SORCS3: variants seen among roughly 807,000 people sequenced by gnomAD.
SORCS3 encodes the protein sortilin related VPS10 domain containing receptor 3.
Under a neutral mutation model 146.3 loss-of-function variants are expected in SORCS3, and 57 were observed. The ratio of observed to expected loss-of-function variants is 0.39; its 90% CI spans 0.31 to 0.49. The LOEUF (loss-of-function observed/expected upper bound fraction) is 0.49. Ranked by LOEUF, SORCS3 falls within the 20% of genes least tolerant of loss-of-function variation. The probability of loss-of-function intolerance (pLI) is 0.92; values close to 1 mark genes in which losing one functional copy is unlikely to be tolerated. For missense variants in SORCS3, 1,341 were observed against 1,575.5 expected (o/e 0.85, Z 2.52); for synonymous variants, 653 against 618.5 (o/e 1.06, Z -0.83).
rs1554848199 is a variant in SORCS3, at chr10:104,742,901, C to CTTA, written c.628-99879_628-99877dup. ...ACTGGCCACAAAGAGACCAGGAGCACTTATTATTATTATTGTTTATTACTT... is the reference window on the plus strand; with the variant it reads ...ACTGGCCACAAAGAGACCAGGAGCACTTATTATTATTATTATTGTTTATTACTT... On this transcript the variant is annotated intron_variant, in intron 1 of 26. Transcript: ENST00000369701. Among the ~76,000 whole-genome samples the CTTA allele has an allele frequency of 1.3e-5, 2 of 152,214 alleles. 1 individual carries two copies. Among genetic ancestry groups the CTTA allele is most frequent in the Admixed American group, 1.3e-4 (2 of 15,290 alleles).
chr10:104,802,581 A>G (rs1056828387), intron 1 of SORCS3, among the ~76,000 whole-genome samples: 5 of 152,240 alleles, frequency 3.3e-5, no homozygotes, highest in Non-Finnish European at 7.3e-5. Flanking sequence ...AAAAACAAAG[A>G]GAGGAAAGAT....
At chr10:105,055,701 A>C (rs557989415) in intron 5 of SORCS3, among the ~76,000 whole-genome samples, 1 of 152,336 alleles carries the variant, frequency 6.6e-6, no homozygotes, top group East Asian at 1.9e-4. Context: ...GCAAGTTAGA[A>C]AGCATCTGCA....
chr10:105,260,104 A>T (rs1197871005), intron 25 of SORCS3, among the ~76,000 whole-genome samples: 1 of 152,262 alleles, frequency 6.6e-6, no homozygotes, highest in African/African-American at 2.4e-5. Context: ...GATTGCAAAA[A>T]GATGAAAAAT....
At position 105,016,157 on chromosome 10, in the gene SORCS3, T is replaced by TA. The variant is rs369013613; in HGVS notation, c.955-26898_955-26897insA. The stretch of plus-strand genomic sequence containing the variant: ...TAAATATATATATATATATATATAT[T>TA]TTTTTTTTTTTTTGAGATGGAGTCT... On this transcript the variant is annotated intron_variant, in intron 4 of 26. Coordinates refer to ENST00000369701, the MANE Select transcript of SORCS3 (RefSeq NM_014978.3). Among the ~76,000 whole-genome samples the TA allele has an allele frequency of 8.1e-3, 466 of 57,828 alleles. 2 individuals carry two copies. The highest frequency in any genetic ancestry group is 0.034 in the East Asian group (98 of 2,846). The allele number at this position is 57,828 out of a possible 152,430, so 37.9% of individuals were successfully genotyped here. A position where few individuals can be genotyped will look rare whatever the true frequency, so the allele number is the denominator to read the frequency against.
intron 9 of SORCS3, among the ~76,000 whole-genome samples, chr10:105,148,007 A>G (rs922588652): frequency 6.6e-6 from 1 of 152,068 alleles, no homozygotes; most frequent in Non-Finnish European, 1.5e-5. Flanking sequence ...ATGAGAGATG[A>G]TGGATATACT....
At position 105,263,383 on chromosome 10, in the gene SORCS3, AGC is replaced by A. The variant is rs761056839; in HGVS notation, c.*10_*11del. ...ACTGCACTAGTGTTTAATACCAGCA[AGC>A]CACGTGGTCAACCACCTTTCTGACT... On this transcript the variant is annotated 3_prime_UTR_variant, in exon 27 of 27. Transcript: ENST00000369701. 2 of 1,613,860 alleles carry A rather than the reference AGC, an allele frequency of 1.2e-6. No homozygotes were observed.
At chr10:104,724,547 C>G (rs1386664398) in intron 1 of SORCS3, among the ~76,000 whole-genome samples, 1 of 152,120 alleles carries the variant, frequency 6.6e-6, no homozygotes, top group African/African-American at 2.4e-5. Flanking sequence ...GGGAAGTTCT[C>G]CTGGATAATA....
chr10:105,200,948 A>G (rs1319340263), intron 15 of SORCS3, among the ~76,000 whole-genome samples, 172 bp from the exon 16 acceptor site: 1 of 152,144 alleles, frequency 6.6e-6, no homozygotes, highest in Non-Finnish European at 1.5e-5. Flanking sequence ...TTTATGTGGT[A>G]GTGAAAGATT....
At chr10:105,152,868 C>T (rs2056177365) in intron 9 of SORCS3, among the ~76,000 whole-genome samples, 2 of 152,124 alleles carry the variant, frequency 1.3e-5, no homozygotes, top group Non-Finnish European at 2.9e-5. Context: ...TCTGATCACA[C>T]AGCTAGTGGT....
At chr10:105,060,212 G>T (rs2055475665) in intron 5 of SORCS3, among the ~76,000 whole-genome samples, 1 of 152,118 alleles carries the variant, frequency 6.6e-6, no homozygotes, top group African/African-American at 2.4e-5. Flanking sequence ...GGATCCTCTG[G>T]CATGGTGGGT....
intron 19 of SORCS3, among the ~76,000 whole-genome samples, chr10:105,217,422 G>A (rs1450159697): frequency 6.6e-6 from 1 of 152,128 alleles, no homozygotes; most frequent in Admixed American, 6.5e-5. Flanking sequence ...TCTTCCTTTT[G>A]GAGAATCCTC....
chr10:104,902,377 A>G (rs2133590931), intron 2 of SORCS3, among the ~76,000 whole-genome samples: 1 of 152,288 alleles, frequency 6.6e-6, no homozygotes, highest in Middle Eastern at 3.4e-3. Flanking sequence ...TGACTCTGAG[A>G]GGTCATGGAC....
At chr10:104,820,891 T>G (rs1199220997) in intron 1 of SORCS3, among the ~76,000 whole-genome samples, 1 of 152,130 alleles carries the variant, frequency 6.6e-6, no homozygotes, top group East Asian at 1.9e-4. Flanking sequence ...ATGATAGGCC[T>G]TGGAGAAGTG....
chr10:105,172,906 TC>T (rs1223349044), intron 13 of SORCS3, among the ~76,000 whole-genome samples: 3 of 152,320 alleles, frequency 2.0e-5, no homozygotes, highest in Admixed American at 6.5e-5. Context: ...CCAGTTTCTT[TC>T]CAGCTTTATA....
At chr10:104,954,122 T>C (rs1485603792) in intron 3 of SORCS3, among the ~76,000 whole-genome samples, 1 of 152,154 alleles carries the variant, frequency 6.6e-6, no homozygotes, top group Non-Finnish European at 1.5e-5. Context: ...CTTCAACTGA[T>C]AGGGGGTTTG....
intron 4 of SORCS3, among the ~76,000 whole-genome samples, chr10:104,999,784 G>A (rs1395344702): frequency 6.6e-6 from 1 of 152,130 alleles, no homozygotes; most frequent in Admixed American, 6.6e-5. Flanking sequence ...TCGTGGTCCA[G>A]CCCATTAGTC....
At chr10:104,730,788 TC>T (rs1309970570) in intron 1 of SORCS3, among the ~76,000 whole-genome samples, 4 of 152,038 alleles carry the variant, frequency 2.6e-5, no homozygotes, top group African/African-American at 9.7e-5. Context: ...GAAGGGGGAA[TC>T]CCCCTATAAA....
Position 105,043,094 on chromosome 10 carries a change from A to G in SORCS3, c.994A>G (p.Met332Val), listed in dbSNP as rs746453484. ...GGACTTTGGAAGACGGTGGCAACTCATGCATGAACGCATCACACCCAACAG... is the reference window on the plus strand; with the variant it reads ...GGACTTTGGAAGACGGTGGCAACTCGTGCATGAACGCATCACACCCAACAG... ...SMDFGRRWQL[M>V]HERITPNRFY... Residue 332 changes from methionine (M) to valine (V), a missense_variant, in exon 5 of 27, where the codon ATG (methionine) becomes GTG (valine). Transcript: ENST00000369701. 3.1e-6 allele frequency: 5 copies of G among 1,613,880 alleles called. No individual in the cohort carries two copies. The highest frequency in any genetic ancestry group is 2.2e-5 in the East Asian group (1 of 44,872).
Position 105,223,105 on chromosome 10 carries a change from T to C in SORCS3, c.2735-11T>C, listed in dbSNP as rs186730361. ...AATATAAACACTGACTTTTTTTTTCTGTTTCCTTAGGTCCTGTGGAGCATG... is the reference window on the plus strand; with the variant it reads ...AATATAAACACTGACTTTTTTTTTCCGTTTCCTTAGGTCCTGTGGAGCATG... On this transcript the variant is annotated splice_polypyrimidine_tract_variant and intron_variant, in intron 19 of 26. Transcript: ENST00000369701. 1.3e-5 allele frequency: 20 copies of C among 1,587,220 alleles called. No individual in the cohort carries two copies. In the East Asian group the frequency reaches 4.1e-4, roughly 32 times the overall value.
Sources: gnomAD v4.1 joint callset for allele counts (sites outside exome capture counted in the v4.1 genomes callset) on GRCh38, gnomAD v4.1.1 for gene constraint, MANE v1.5 for transcripts, NCBI Gene and HGNC (gene_info 2026-07-23, HGNC 2026-07-21) for gene names.